PON2: variants seen among roughly 807,000 people sequenced by gnomAD.
PON2 encodes the protein paraoxonase 2, also known as serum paraoxonase/arylesterase 2.
In PON2, 27 loss-of-function variants were observed where a neutral mutation model predicts 36.6. The observed-to-expected ratio is 0.74, with a 90% CI of 0.54 to 1.02. The LOEUF (loss-of-function observed/expected upper bound fraction) is 1.02, where lower values mean the gene tolerates loss of function less well. PON2 is among the 50% of genes least tolerant of loss of function. The pLI is 0.00. For missense variants in PON2, 363 were observed against 421.1 expected (o/e 0.86, Z 1.21); for synonymous variants, 149 against 156.3 (o/e 0.95, Z 0.35).
At chr7:95,407,664 C>T (rs1809738641) in intron 6 of PON2, among the ~76,000 whole-genome samples, 1 of 152,150 alleles carries the variant, frequency 6.6e-6, no homozygotes, top group Non-Finnish European at 1.5e-5. Context: ...TGTGAAAAGC[C>T]ATGAACTCAG....
At chr7:95,424,819 A>AAAAAAAGCC (rs1264991725) in intron 1 of PON2, among the ~76,000 whole-genome samples, 1 of 152,174 alleles carries the variant, frequency 6.6e-6, no homozygotes, top group African/African-American at 2.4e-5. Flanking sequence ...GGTTATTAAA[A>AAAAAAAGCC]AAAAAAAGCC....
intron 1 of PON2, 116 bp downstream of exon 1, chr7:95,434,762 C>G (rs1357482916): frequency 1.3e-5 from 15 of 1,189,560 alleles, no homozygotes; most frequent in South Asian, 2.9e-5. Flanking sequence ...TCTCCACCCC[C>G]GGCCGCAGGG....
chr7:95,433,432 C>A (rs2116514449), intron 1 of PON2, among the ~76,000 whole-genome samples: 1 of 152,200 alleles, frequency 6.6e-6, no homozygotes, highest in Non-Finnish European at 1.5e-5. Flanking sequence ...TTGGTGGTGC[C>A]ACTCAGACAC....
At chr7:95,411,543 A>G in intron 5 of PON2, 110 bp downstream of exon 5, 1 of 1,338,998 alleles carries the variant, frequency 7.5e-7, no homozygotes, top group Non-Finnish European at 1.1e-6. Context: ...GCTCTTACAT[A>G]TTAGCTAATA....
At chr7:95,405,906 A>C (rs917692947) in intron 8 of PON2, among the ~76,000 whole-genome samples, 14 of 152,206 alleles carry the variant, frequency 9.2e-5, no homozygotes, top group African/African-American at 4.8e-5. Context: ...TTTCCACCAT[A>C]ATTTAATACA....
At chr7:95,417,716 C>CACACACACACACACACAGAG (rs772303220) in intron 2 of PON2, among the ~76,000 whole-genome samples, 1 of 148,720 alleles carries the variant, frequency 6.7e-6, no homozygotes, top group African/African-American at 2.5e-5. Context: ...CACACACACA[C>CACACACACACACACACAGAG]ACACACACAC....
chr7:95,405,341 A>G lies in PON2; in HGVS notation c.1054T>C (p.Cys352Arg), dbSNP rs1407054440. 2 of 1,613,698 alleles carry G rather than the reference A, an allele frequency of 1.2e-6. No individual in the cohort carries two copies. Among genetic ancestry groups the G allele is most frequent in the South Asian group, 1.1e-5 (1 of 91,062 alleles). The part of the protein sequence containing the change: ...IGTLYHRALY[C>R]EL Reference sequence around the variant, plus strand: ...GCCAAAAGTACAATTTAGAGTTCACAATACAAGGCTCTGTGGTATAAAGTG... The same window carrying G: ...GCCAAAAGTACAATTTAGAGTTCACGATACAAGGCTCTGTGGTATAAAGTG... Residue 352 changes from cysteine (C) to arginine (R), a missense_variant, in exon 9 of 9, where the codon TGT becomes CGT. Coordinates refer to ENST00000222572, the MANE Select transcript of PON2 (RefSeq NM_000305.3).
chr7:95,433,286 G>C (rs917860986), intron 1 of PON2, among the ~76,000 whole-genome samples: 2 of 151,518 alleles, frequency 1.3e-5, no homozygotes, highest in Admixed American at 1.3e-4. Context: ...ATTTTGTAGA[G>C]GTGGGATCTT....
At chr7:95,434,800 G>A in intron 1 of PON2, 78 bp downstream of exon 1, 1 of 1,475,168 alleles carries the variant, frequency 6.8e-7, no homozygotes, top group Non-Finnish European at 9.1e-7. Context: ...CCCTCCCCCA[G>A]CCTGCGCCCT....
chr7:95,419,859 C>G (rs565286653), intron 2 of PON2, among the ~76,000 whole-genome samples: 1 of 152,332 alleles, frequency 6.6e-6, no homozygotes, highest in Non-Finnish European at 1.5e-5. Flanking sequence ...CTAGGCCATT[C>G]ACTTACCTTA....
chr7:95,434,076 C>T (rs1257048667), intron 1 of PON2, among the ~76,000 whole-genome samples: 1 of 152,160 alleles, frequency 6.6e-6, no homozygotes, highest in Admixed American at 6.5e-5. Context: ...TTGGTTGAGG[C>T]AGGGCAGAAC....
intron 7 of PON2, 80 bp from the exon 8 acceptor site, chr7:95,406,327 A>C (rs901682451): frequency 5.6e-5 from 82 of 1,459,616 alleles, no homozygotes; most frequent in Non-Finnish European, 7.0e-5. Flanking sequence ...TCCTGCCTCT[A>C]TGCATGTGAG....
intron 5 of PON2, among the ~76,000 whole-genome samples, chr7:95,411,127 T>G (rs1440098281): frequency 1.3e-5 from 2 of 152,202 alleles, no homozygotes; most frequent in Non-Finnish European, 2.9e-5. Context: ...CAGCTTTATG[T>G]TCTTGAAGTG....
intron 5 of PON2, 144 bp downstream of exon 5, chr7:95,411,509 A>G: frequency 9.4e-7 from 1 of 1,058,612 alleles, no homozygotes; most frequent in South Asian, 1.5e-5. Context: ...ACACATTTAT[A>G]AATAAGGAAA....
chr7:95,412,090 C>A (rs915582060), intron 4 of PON2, among the ~76,000 whole-genome samples: 15 of 152,174 alleles, frequency 9.9e-5, no homozygotes, highest in Admixed American at 2.6e-4. Context: ...ATTATGAAAT[C>A]TAAACATTCT....
At chr7:95,414,993 T>C (rs1456787578) in intron 3 of PON2, among the ~76,000 whole-genome samples, 6 of 152,206 alleles carry the variant, frequency 3.9e-5, no homozygotes, top group African/African-American at 1.2e-4. Context: ...TAATTCTCAT[T>C]CTACTCCAAC....
chr7:95,414,820 A>G (rs1466157176), intron 3 of PON2, among the ~76,000 whole-genome samples: 1 of 152,234 alleles, frequency 6.6e-6, no homozygotes, highest in Non-Finnish European at 1.5e-5. Flanking sequence ...CATTCTGTGT[A>G]GGCAATTAAA....
At chr7:95,412,165 T>C in intron 4 of PON2, 147 bp downstream of exon 4, 1 of 1,124,588 alleles carries the variant, frequency 8.9e-7, no homozygotes, top group Non-Finnish European at 1.3e-6. Context: ...AAGAGGCAAA[T>C]GAACAAGTTC....
At position 95,411,659 on chromosome 7, in the gene PON2, A is replaced by G. The variant is rs1788927519; in HGVS notation, c.488T>C (p.Leu163Pro). ...LHLKTVKHEL[L>P]PSVNDITAVG... ...GAACAAAATGAGGAAGTACCTTGGA[A>G]GAAGCTCATGTTTGACTGTTTTCAG... The change falls in exon 5 of 9, where the codon CTT becomes CCT. Residue 163 changes from leucine (L) to proline (P), a missense_variant. By Grantham distance (98) the Leu-to-Pro change is moderately conservative. Coordinates refer to ENST00000222572, the MANE Select transcript of PON2 (RefSeq NM_000305.3). 6.2e-7 allele frequency: 1 copy of G among 1,614,014 alleles called. No individual in the cohort carries two copies. Among genetic ancestry groups the G allele is most frequent in the Non-Finnish European group, 8.5e-7 (1 of 1,179,916 alleles).
Sources: gnomAD v4.1 joint callset for allele counts (sites outside exome capture counted in the v4.1 genomes callset) on GRCh38, gnomAD v4.1.1 for gene constraint, MANE v1.5 for transcripts, NCBI Gene and HGNC (gene_info 2026-07-23, HGNC 2026-07-21) for gene names.